The following SDHA variants were observed in gnomAD, a reference collection of about 807,000 sequenced individuals.
The protein encoded by SDHA is succinate dehydrogenase [ubiquinone] flavoprotein subunit, mitochondrial.
In SDHA, 48 loss-of-function variants were observed where a neutral mutation model predicts 78.4. The ratio of observed to expected loss-of-function variants is 0.61; its 90% CI spans 0.49 to 0.78. The LOEUF is 0.78. SDHA is among the 30% of genes least tolerant of loss of function. SDHA has a pLI of 0.00. For missense variants in SDHA, 680 were observed against 892.7 expected (o/e 0.76, Z 3.04); for synonymous variants, 326 against 353.9 (o/e 0.92, Z 0.88).
rs373303832 is a variant in SDHA, at chr5:236,119, G to A, written c.1261-309G>A. The A allele has an allele frequency of 4.3e-4, 173 of 406,380 alleles. 1 individual carries two copies. Among genetic ancestry groups the A allele is most frequent in the African/African-American group, 3.0e-3 (147 of 48,796 alleles). The allele number at this position is 406,380 out of a possible 1,614,324, so 25.2% of individuals were successfully genotyped here. A position where few individuals can be genotyped will look rare whatever the true frequency, so the allele number is the denominator to read the frequency against. ...AGCTCACTGCAACCTCTGCCTCCCA[G>A]GTTCAAGTGATTTTTCCGCCTCAGC... On this transcript the variant is annotated intron_variant, in intron 9 of 14. Transcript: ENST00000264932.
chr5:247,134 A>G (rs1448558464), intron 11 of SDHA, among the ~76,000 whole-genome samples: 1 of 152,008 alleles, frequency 6.6e-6, no homozygotes, highest in Non-Finnish European at 1.5e-5. Context: ...AGTTTTCTAG[A>G]CACCCTATGC....
Position 233,557 on chromosome 5 carries a change from T to C in SDHA, c.976T>C (p.Phe326Leu). Residue 326 changes from phenylalanine to leucine, a missense_variant, in exon 8 of 15, where the codon TTT (phenylalanine) becomes CTT (leucine). By Grantham distance (22) the Phe-to-Leu change is conservative. Transcript: ENST00000264932. Reference protein sequence around the residue: ...GILINSQGERFMERYAPVAKD... With the variant: ...GILINSQGERLMERYAPVAKD... ...TCTCATTAACAGTCAAGGCGAAAGGTTTATGGAGCGATACGCCCCTGTCGC... is the reference window on the plus strand; with the variant it reads ...TCTCATTAACAGTCAAGGCGAAAGGCTTATGGAGCGATACGCCCCTGTCGC... 6.2e-7 allele frequency: 1 copy of C among 1,614,146 alleles called. No homozygotes were observed. Among genetic ancestry groups the C allele is most frequent in the Non-Finnish European group, 8.5e-7 (1 of 1,180,016 alleles).
the SDHA span, among the ~76,000 whole-genome samples, chr5:268,216 C>T: frequency 6.6e-6 from 1 of 150,934 alleles, no homozygotes; most frequent in African/African-American, 2.4e-5. Flanking sequence ...CGGAGTCTCA[C>T]TCTGTTGCCC....
chr5:226,520 T>A (rs1425138715), intron 5 of SDHA, among the ~76,000 whole-genome samples: 1 of 152,058 alleles, frequency 6.6e-6, no homozygotes, highest in African/African-American at 2.4e-5. Context: ...TAATCCCAGT[T>A]ACTCAGGAGG....
the SDHA span, among the ~76,000 whole-genome samples, chr5:265,926 C>T: frequency 0.016 from 2,415 of 152,090 alleles, 30 homozygotes; most frequent in Non-Finnish European, 0.026. Flanking sequence ...CCGATTCAGT[C>T]CTGGGGGAAC....
At chr5:257,888 C>T (rs1333953831), downstream of SDHA, among the ~76,000 whole-genome samples, 1 of 12,736 alleles carries the variant, frequency 7.9e-5, no homozygotes, top group Non-Finnish European at 1.9e-4. Context: ...CTGTGAGCTC[C>T]GCCTCCCGAC....
chr5:263,336 C>T, the SDHA span, among the ~76,000 whole-genome samples: 1 of 152,078 alleles, frequency 6.6e-6, no homozygotes, highest in Non-Finnish European at 1.5e-5. Context: ...ACACATCACA[C>T]ACAGGAAACA....
At chr5:228,976 A>G (rs1026013495) in intron 6 of SDHA, among the ~76,000 whole-genome samples, 2 of 152,194 alleles carry the variant, frequency 1.3e-5, no homozygotes, top group Non-Finnish European at 2.9e-5. Flanking sequence ...ATATTTTTCT[A>G]GAGAAGACAT....
chr5:227,362 A>G (rs546427869), intron 5 of SDHA, among the ~76,000 whole-genome samples: 35 of 152,364 alleles, frequency 2.3e-4, no homozygotes, highest in African/African-American at 6.3e-4. Context: ...TGAGGTGACA[A>G]TAGTTACTGG....
chr5:227,844 C>T, intron 5 of SDHA: 1 of 367,070 alleles, frequency 2.7e-6, no homozygotes, highest in South Asian at 2.3e-5. Context: ...GCTGTGACTG[C>T]ATGGTCTGCG....
intron 1 of SDHA, among the ~76,000 whole-genome samples, chr5:219,025 A>G (rs1227587897): frequency 5.3e-5 from 8 of 152,186 alleles, no homozygotes; most frequent in Non-Finnish European, 1.5e-5. Context: ...AAATCTGTCC[A>G]TGTCCACTTC....
intron 7 of SDHA, 145 bp downstream of exon 7, chr5:231,145 C>T (rs2288458): frequency 0.13 from 129,223 of 972,786 alleles, 14,259 homozygotes; most frequent in African/African-American, 0.52. Flanking sequence ...CTAACTTCAA[C>T]GTCATTTACC....
chr5:244,127 G>T (rs559325318), intron 11 of SDHA, among the ~76,000 whole-genome samples: 2 of 151,994 alleles, frequency 1.3e-5, no homozygotes, highest in Non-Finnish European at 2.9e-5. Flanking sequence ...GTTCCAAACC[G>T]GGGCATTTCC....
At chr5:251,290 A>G (rs868392620) in intron 12 of SDHA, 48 bp from the exon 13 acceptor site, 1 of 1,597,548 alleles carries the variant, frequency 6.3e-7, no homozygotes, top group Non-Finnish European at 8.5e-7. Flanking sequence ...CGGAGGGCCC[A>G]TGTGACTGGG....
intron 1 of SDHA, among the ~76,000 whole-genome samples, chr5:222,892 C>CA (rs1481639274): frequency 6.6e-6 from 1 of 152,192 alleles, no homozygotes; most frequent in Non-Finnish European, 1.5e-5. Flanking sequence ...CAGCAGCAGC[C>CA]AGGCAGGGGA....
the SDHA span, among the ~76,000 whole-genome samples, chr5:265,206 CA>C: frequency 2.6e-5 from 4 of 151,682 alleles, no homozygotes; most frequent in African/African-American, 9.7e-5. Context: ...AACTCCATCT[CA>C]AAAAATAAAA....
At chr5:264,349 A>G in the SDHA span, among the ~76,000 whole-genome samples, 2 of 152,200 alleles carry the variant, frequency 1.3e-5, no homozygotes, top group Non-Finnish European at 2.9e-5. Context: ...CAAAATTTGG[A>G]AGGTGGCCCT....
chr5:232,119 A>G (rs1735442909), intron 7 of SDHA, among the ~76,000 whole-genome samples: 1 of 152,188 alleles, frequency 6.6e-6, no homozygotes, highest in Non-Finnish European at 1.5e-5. Context: ...AGTGGTGCCA[A>G]AGAACCAGAC....
chr5:237,485 CT>C (rs1446362211), intron 10 of SDHA, among the ~76,000 whole-genome samples: 1 of 132,878 alleles, frequency 7.5e-6, no homozygotes, highest in Non-Finnish European at 1.5e-5. Flanking sequence ...GAGTGTGAGT[CT>C]TACGTGCACT....
Sources: allele counts gnomAD v4.1 joint callset (sites outside exome capture counted in the v4.1 genomes callset), GRCh38; gene constraint gnomAD v4.1.1; transcripts MANE v1.5; gene names NCBI Gene and HGNC (gene_info 2026-07-23, HGNC 2026-07-21).